ASH1L: variants seen among roughly 807,000 people sequenced by gnomAD.
ASH1L encodes ASH1 like histone lysine methyltransferase.
In ASH1L, 23 loss-of-function variants were observed where a neutral mutation model predicts 269.0. The observed-to-expected ratio is 0.09, with a 90% CI of 0.06 to 0.12. The LOEUF is 0.12. Among genes scored for constraint, ASH1L ranks in the 10% least tolerant of loss-of-function variants. The pLI is 1.00. For synonymous variants in ASH1L, 1,187 were observed against 1,253.5 expected (o/e 0.95, Z 1.12); for missense variants, 2,912 against 3,567.8 (o/e 0.82, Z 4.68).
Position 155,335,897 on chromosome 1 carries a change from T to G in ASH1L, c.*1763A>C, listed in dbSNP as rs1170596074. ...CAAAGTGCCCCTAGTCCCACCTCCCTCCCACCCACTCCCTGCAATGAAAAA... is the reference window on the plus strand; with the variant it reads ...CAAAGTGCCCCTAGTCCCACCTCCCGCCCACCCACTCCCTGCAATGAAAAA... On this transcript the variant is annotated 3_prime_UTR_variant, in exon 28 of 28. Coordinates refer to ENST00000392403, the MANE Select transcript of ASH1L (RefSeq NM_018489.3). 1 of 143,834 alleles carries G rather than the reference T, an allele frequency of 7.0e-6. No homozygotes were observed. Among genetic ancestry groups the G allele is most frequent in the Non-Finnish European group, 1.5e-5 (1 of 65,006 alleles). The allele number at this position is 143,834 out of a possible 1,614,324, so 8.9% of individuals were successfully genotyped here.
chr1:155,481,708 C>T lies in ASH1L; in HGVS notation c.1162G>A (p.Ala388Thr). 6.2e-7 allele frequency: 1 copy of T among 1,614,168 alleles called. No individual in the cohort carries two copies. Among genetic ancestry groups the T allele is most frequent in the Non-Finnish European group, 8.5e-7 (1 of 1,180,028 alleles). Residue 388 changes from alanine (A) to threonine (T), a missense_variant, in exon 3 of 28, where the codon GCA (alanine) becomes ACA (threonine). Ala to Thr is a moderately conservative substitution (Grantham distance 58). Coordinates refer to ENST00000392403, the MANE Select transcript of ASH1L (RefSeq NM_018489.3). ...GCTGAACTTGCTACAATCTTCTTTGCACAGTCCTTGGCCACTAGGCCAACA... is the reference window on the plus strand; with the variant it reads ...GCTGAACTTGCTACAATCTTCTTTGTACAGTCCTTGGCCACTAGGCCAACA... ...STVGLVAKDC[A>T]KKIVASSAMG...
intron 1 of ASH1L, among the ~76,000 whole-genome samples, chr1:155,525,221 C>G (rs1250948650): frequency 6.6e-6 from 1 of 151,584 alleles, no homozygotes; most frequent in Non-Finnish European, 1.5e-5. Flanking sequence ...GACTCCAGCC[C>G]GGGCAACAGA....
At chr1:155,521,902 A>G (rs1422124864) in intron 1 of ASH1L, among the ~76,000 whole-genome samples, 1 of 152,242 alleles carries the variant, frequency 6.6e-6, no homozygotes, top group African/African-American at 2.4e-5. Flanking sequence ...ACAGTCAAGC[A>G]AACATTGCCT....
intron 2 of ASH1L, among the ~76,000 whole-genome samples, chr1:155,509,293 G>A (rs536158199): frequency 6.6e-6 from 1 of 152,144 alleles, no homozygotes; most frequent in Non-Finnish European, 1.5e-5. Context: ...AGGAGTTCAA[G>A]GTTACAGTGA....
At chr1:155,531,857 T>C (rs1229742746) in intron 1 of ASH1L, among the ~76,000 whole-genome samples, 1 of 152,184 alleles carries the variant, frequency 6.6e-6, no homozygotes, top group Non-Finnish European at 1.5e-5. Flanking sequence ...AGAGTGCTTT[T>C]TATCTGCTGA....
chr1:155,468,180 AC>A lies in ASH1L; in HGVS notation c.4985-8283del, dbSNP rs370019841. ...TTCCTTGTTTTTTCAGGTCCTTGAT[AC>A]TTTTTAGTACTGGTCAAGTATTTGT... is the stretch of plus-strand genomic sequence containing the variant. On this transcript the variant is annotated intron_variant, in intron 3 of 27. Coordinates refer to ENST00000392403, the MANE Select transcript of ASH1L (RefSeq NM_018489.3). Among the ~76,000 whole-genome samples the A allele has an allele frequency of 3.0e-3, 455 of 150,770 alleles. 3 individuals are homozygous for A. Among genetic ancestry groups the A allele is most frequent in the African/African-American group, 0.011 (437 of 41,212 alleles).
chr1:155,495,157 A>G (rs1373655332), intron 2 of ASH1L, among the ~76,000 whole-genome samples: 1 of 152,208 alleles, frequency 6.6e-6, no homozygotes, highest in African/African-American at 2.4e-5. Flanking sequence ...AGAAATCTAA[A>G]AAGTAAGTAA....
chr1:155,401,166 A>C lies in ASH1L; in HGVS notation c.6009-5613T>G, dbSNP rs531427572. Among the ~76,000 whole-genome samples the C allele has an allele frequency of 4.9e-4, 75 of 151,872 alleles. 1 individual carries two copies. Among genetic ancestry groups the C allele is most frequent in the African/African-American group, 1.8e-3 (74 of 41,390 alleles). ...ACAGAGTGAGACTCTCTGTCTCAAA[A>C]AAAAAAAGTGTTAAAAAAGATCGCC... On this transcript the variant is annotated intron_variant, in intron 6 of 27. Transcript: ENST00000392403.
Position 155,370,628 on chromosome 1 carries a change from G to C in ASH1L, c.6562C>G (p.His2188Asp). ...EFRNRMIEQYHNHSDHYCLNL... is the reference protein window; with the variant it reads ...EFRNRMIEQYDNHSDHYCLNL... ...AGGCAGTAGTGGTCACTGTGATTAT[G>C]ATACTGCTCAATCATCCTGTTCCTA... The change falls in exon 12 of 28, where the codon CAT becomes GAT. Residue 2188 changes from histidine to aspartate, a missense_variant. Around this residue, in one of 13 missense-constraint regions of ASH1L, gnomAD observed 193 missense variants for 311.6 expected, o/e 0.62. Coordinates refer to ENST00000392403, the MANE Select transcript of ASH1L (RefSeq NM_018489.3). The C allele has an allele frequency of 6.2e-7, 1 of 1,614,142 alleles. No individual in the cohort carries two copies. The highest frequency in any genetic ancestry group is 8.5e-7 in the Non-Finnish European group (1 of 1,180,028).
intron 4 of ASH1L, among the ~76,000 whole-genome samples, chr1:155,447,508 G>A (rs1049770079): frequency 2.0e-5 from 3 of 152,084 alleles, no homozygotes; most frequent in East Asian, 3.9e-4. Context: ...AGGATTACAG[G>A]AGTGAACCAC....
chr1:155,516,576 T>C (rs1351597795), intron 2 of ASH1L, among the ~76,000 whole-genome samples: 1 of 152,086 alleles, frequency 6.6e-6, no homozygotes, highest in Admixed American at 6.6e-5. Flanking sequence ...GGAGAATCAT[T>C]GAGGTCAGAA....
In ASH1L at chr1:155,348,895, A is replaced by AT. The variant is rs1443738494; in HGVS notation, c.7554+431_7554+432insA. The stretch of plus-strand genomic sequence containing the variant: ...GATTCTGTCTCATTTAAAAAAAAAA[A>AT]AAAAATATATATATATACACACACA... On this transcript the variant is annotated intron_variant, in intron 19 of 27. Coordinates refer to ENST00000392403, the MANE Select transcript of ASH1L (RefSeq NM_018489.3). 3.7e-3 allele frequency among the ~76,000 whole-genome samples: 172 copies of AT among 46,794 alleles called. 3 individuals are homozygous for AT. In the South Asian group the frequency reaches 0.046, roughly 12 times the overall value. 30.7% of individuals were successfully genotyped at this position (46,794 alleles called of 152,430 possible). A position where few individuals can be genotyped will look rare whatever the true frequency, so the allele number is the denominator to read the frequency against.
rs1665727859 is a variant in ASH1L at position 155,478,470 on chromosome 1, G to C, written c.4400C>G (p.Pro1467Arg). The C allele has an allele frequency of 6.2e-7, 1 of 1,614,086 alleles. No individual in the cohort carries two copies. Among genetic ancestry groups the C allele is most frequent in the Non-Finnish European group, 8.5e-7 (1 of 1,180,020 alleles). The change falls in exon 3 of 28, where the codon CCC becomes CGC. Residue 1467 changes from proline to arginine, a missense_variant. Around this residue, in one of 13 missense-constraint regions of ASH1L, gnomAD observed 789 missense variants for 897.6 expected, o/e 0.88. Coordinates refer to ENST00000392403, the MANE Select transcript of ASH1L (RefSeq NM_018489.3). This position sits in a 1 kb window ranked among gnomAD's most constrained non-coding sequence, Gnocchi z 4.6. ...RTPLLSMSTY[P>R]SVPPEMAYGW... ...ATAGGCCATCTCAGGAGGAACACTGGGGTAGGTACTCATGGAAAGGAGGGG... is the reference window on the plus strand; with the variant it reads ...ATAGGCCATCTCAGGAGGAACACTGCGGTAGGTACTCATGGAAAGGAGGGG...
chr1:155,441,764 C>A (rs974540951), intron 4 of ASH1L, among the ~76,000 whole-genome samples: 4 of 145,532 alleles, frequency 2.7e-5, no homozygotes, highest in African/African-American at 7.8e-5. Context: ...CTGCGCCTGG[C>A]CTTTTTTTTT....
chr1:155,429,508 C>T (rs1463736295), intron 5 of ASH1L, among the ~76,000 whole-genome samples: 1 of 152,182 alleles, frequency 6.6e-6, no homozygotes, highest in South Asian at 2.1e-4. Flanking sequence ...AAGCGATCCA[C>T]ACGCCTCGGC....
chr1:155,390,306 A>G (rs1657809543), intron 7 of ASH1L, among the ~76,000 whole-genome samples: 1 of 152,214 alleles, frequency 6.6e-6, no homozygotes, highest in Admixed American at 6.5e-5. Flanking sequence ...CAAGATGAAC[A>G]TCTGAATAGT....
chr1:155,480,999 A>G lies in ASH1L; in HGVS notation c.1871T>C (p.Ile624Thr), dbSNP rs761507922. ...CTCTTTATCAATCCCTTTACATTCA[A>G]TACTTATACTATGACCAACTGACCT... Reference protein sequence around the residue: ...GHRSVGHSISIECKGIDKEVN... With the variant: ...GHRSVGHSISTECKGIDKEVN... Residue 624 changes from isoleucine (I) to threonine (T), a missense_variant, in exon 3 of 28, where the codon ATT (isoleucine) becomes ACT (threonine). Physicochemically the swap from Ile to Thr is moderately conservative, Grantham distance 89 (BLOSUM62 -1). Transcript: ENST00000392403. 41 of 1,613,934 alleles carry G rather than the reference A, an allele frequency of 2.5e-5. No individual in the cohort carries two copies. The highest frequency in any genetic ancestry group is 5.0e-5 in the Admixed American group (3 of 59,978).
rs1381790640 is a variant in ASH1L at position 155,449,710 on chromosome 1, G to A, written c.5086+10087C>T. Among the ~76,000 whole-genome samples, 2 of 151,368 alleles carry A rather than the reference G, an allele frequency of 1.3e-5. 1 individual carries two copies. On this transcript the variant is annotated intron_variant, in intron 4 of 27. Transcript: ENST00000392403. ...ACTTTTTTGTATTTTTGGTAGAGAT[G>A]GGGTTTCACCATGTTAGCCAGGATG...
intron 21 of ASH1L, 68 bp from the exon 22 acceptor site, chr1:155,344,341 C>A: frequency 8.3e-7 from 1 of 1,208,204 alleles, no homozygotes; most frequent in South Asian, 1.3e-5. Flanking sequence ...ATTTCTCAAC[C>A]TAGAATTCTC....
Sources: gnomAD v4.1 joint callset for allele counts (sites outside exome capture counted in the v4.1 genomes callset) on GRCh38, gnomAD v4.1.1 for gene constraint, gnomAD v4.1.1 regional missense constraint, Gnocchi (gnomAD v3.1) non-coding constraint, MANE v1.5 for transcripts, NCBI Gene and HGNC (gene_info 2026-07-23, HGNC 2026-07-21) for gene names.